NBEA: variants seen among roughly 807,000 people sequenced by gnomAD.
NBEA encodes neurobeachin, also known as lysosomal-trafficking regulator 2.
A neutral mutation model predicts 343.4 loss-of-function variants in NBEA; 44 were observed. The ratio of observed to expected loss-of-function variants is 0.13; its 90% CI spans 0.10 to 0.16. The LOEUF (loss-of-function observed/expected upper bound fraction) is 0.16. Among genes scored for constraint, NBEA ranks in the 10% least tolerant of loss-of-function variants. The pLI is 1.00. For missense variants in NBEA, 2,555 were observed against 3,631.3 expected, an observed-to-expected ratio of 0.70 and a Z score of 7.62; for synonymous variants, 1,175 against 1,238.7, an observed-to-expected ratio of 0.95 and a Z score of 1.08.
intron 38 of NBEA, among the ~76,000 whole-genome samples, chr13:35,383,288 A>G (rs1009497096): frequency 1.3e-5 from 2 of 152,220 alleles, no homozygotes; most frequent in African/African-American, 2.4e-5. Flanking sequence ...AGAAGGACGT[A>G]TATTATCTAA....
chr13:35,200,496 A>G (rs2072947747), intron 31 of NBEA, among the ~76,000 whole-genome samples: 1 of 150,484 alleles, frequency 6.6e-6, no homozygotes, highest in African/African-American at 2.4e-5. Flanking sequence ...TGCTTCTCAT[A>G]CATTTTTAAC....
intron 40 of NBEA, among the ~76,000 whole-genome samples, chr13:35,462,507 T>A (rs1205127517): frequency 6.6e-6 from 1 of 152,174 alleles, no homozygotes. Flanking sequence ...AGGGAGTCTC[T>A]GAAGTTGAGA....
rs1442184851 is a variant in NBEA, at chr13:35,142,285, A to G, written c.2353A>G (p.Met785Val). The G allele has an allele frequency of 6.2e-7, 1 of 1,611,284 alleles. No individual in the cohort carries two copies. Among genetic ancestry groups the G allele is most frequent in the African/African-American group, 1.3e-5 (1 of 74,880 alleles). ...TCTCTCCAGGAGAAAAGTTGAAATT[A>G]TGCACACCCATAGTCTTTTCACTCT... ...HLGHKRKVEI[M>V]HTHSLFTLLG... Residue 785 changes from methionine (M) to valine (V), a missense_variant, in exon 18 of 59, where the codon ATG becomes GTG. Physicochemically the swap from Met to Val is conservative, Grantham distance 21. This residue lies in a region of NBEA where 360 missense variants were observed against 519.1 expected (regional missense o/e 0.69). Transcript: ENST00000379939.
chr13:34,968,790 T>G (rs758901928), intron 1 of NBEA, among the ~76,000 whole-genome samples: 9 of 152,282 alleles, frequency 5.9e-5, no homozygotes, highest in Middle Eastern at 3.4e-3. Flanking sequence ...TCAGTAGCAC[T>G]AATAGATTTT....
intron 35 of NBEA, among the ~76,000 whole-genome samples, chr13:35,293,594 C>T (rs75356123): frequency 0.1 from 15,354 of 151,794 alleles, 990 homozygotes; most frequent in African/African-American, 0.19. Context: ...TCTATCATAG[C>T]TTTTTAAAAA....
chr13:35,550,132 A>G (rs558194383), intron 41 of NBEA, among the ~76,000 whole-genome samples: 28 of 152,308 alleles, frequency 1.8e-4, no homozygotes, highest in African/African-American at 6.3e-4. Context: ...CCATTAAGCA[A>G]GGAAGGGGAG....
chr13:34,958,562 C>T (rs1036781529), intron 1 of NBEA, among the ~76,000 whole-genome samples: 3 of 145,982 alleles, frequency 2.1e-5, no homozygotes, highest in Non-Finnish European at 4.7e-5. Flanking sequence ...GGATATTTCA[C>T]ACCATGAATA....
intron 18 of NBEA, among the ~76,000 whole-genome samples, chr13:35,148,016 T>A (rs1380016352): frequency 6.6e-6 from 1 of 152,204 alleles, no homozygotes; most frequent in Non-Finnish European, 1.5e-5. Flanking sequence ...GACAACCAAC[T>A]GCCAGTGATT....
At chr13:34,967,871 C>G (rs1443214448) in intron 1 of NBEA, among the ~76,000 whole-genome samples, 1 of 152,042 alleles carries the variant, frequency 6.6e-6, no homozygotes, top group East Asian at 1.9e-4. Flanking sequence ...AAATTAGAGG[C>G]AGAATCCTTC....
chr13:35,095,820 A>C (rs2065305146), intron 10 of NBEA, among the ~76,000 whole-genome samples: 1 of 151,986 alleles, frequency 6.6e-6, no homozygotes, highest in African/African-American at 2.4e-5. Context: ...TATACTTTTC[A>C]AGAGAATTTT....
At chr13:35,151,453 G>A (rs1304298364) in intron 18 of NBEA, among the ~76,000 whole-genome samples, 1 of 150,160 alleles carries the variant, frequency 6.7e-6, no homozygotes, top group Non-Finnish European at 1.5e-5. Context: ...AGAGGCAGGA[G>A]AATCGCTTGA....
chr13:35,406,707 G>A (rs1173151084), intron 38 of NBEA, among the ~76,000 whole-genome samples: 3 of 152,028 alleles, frequency 2.0e-5, no homozygotes, highest in Non-Finnish European at 4.4e-5. Context: ...TACTGGGGTG[G>A]CTCTTCCTCT....
chr13:35,122,275 G>A (rs2066844829), intron 16 of NBEA, among the ~76,000 whole-genome samples: 2 of 152,064 alleles, frequency 1.3e-5, no homozygotes, highest in Non-Finnish European at 2.9e-5. Context: ...GCACACGTAT[G>A]TTTATTGTGG....
intron 39 of NBEA, among the ~76,000 whole-genome samples, chr13:35,449,592 C>G (rs971699505): frequency 6.6e-6 from 1 of 152,164 alleles, no homozygotes; most frequent in African/African-American, 2.4e-5. Flanking sequence ...GATGCAAGCT[C>G]TATATTTCTG....
intron 33 of NBEA, among the ~76,000 whole-genome samples, chr13:35,229,194 C>A (rs1301403063): frequency 6.6e-6 from 1 of 152,000 alleles, no homozygotes; most frequent in Non-Finnish European, 1.5e-5. Flanking sequence ...CCACACCTGG[C>A]TAATTTTTTA....
At chr13:35,423,010 G>C (rs1357031926) in intron 38 of NBEA, among the ~76,000 whole-genome samples, 2 of 151,962 alleles carry the variant, frequency 1.3e-5, no homozygotes, top group South Asian at 2.1e-4. Context: ...TTTTTTTCTT[G>C]TAAATTTGTT....
chr13:35,650,433 G>C lies in NBEA; in HGVS notation c.7963+586G>C, dbSNP rs534147172. ...TGTTTCTCCAAACTCTTTCCTGAAA[G>C]TACCAGCCAGTACATCTTGAAGCGA... On this transcript the variant is annotated intron_variant, in intron 52 of 58. Transcript: ENST00000379939. Among the ~76,000 whole-genome samples, 14 of 152,280 alleles carry C rather than the reference G, an allele frequency of 9.2e-5. 2 individuals carry two copies. The highest frequency in any genetic ancestry group is 3.4e-4 in the African/African-American group (14 of 41,558).
At chr13:35,049,444 T>C (rs976228864) in intron 5 of NBEA, among the ~76,000 whole-genome samples, 10 of 151,844 alleles carry the variant, frequency 6.6e-5, no homozygotes, top group African/African-American at 2.4e-4. Flanking sequence ...GTCTATCCCA[T>C]AGGATTTAAT....
intron 1 of NBEA, among the ~76,000 whole-genome samples, chr13:35,033,744 G>A (rs2062330923): frequency 6.6e-6 from 1 of 151,628 alleles, no homozygotes; most frequent in Non-Finnish European, 1.5e-5. Flanking sequence ...TAACTCCTAG[G>A]TATTTAATTT....
Sources: gnomAD v4.1 joint callset for allele counts (sites outside exome capture counted in the v4.1 genomes callset) on GRCh38, gnomAD v4.1.1 for gene constraint, gnomAD v4.1.1 regional missense constraint, MANE v1.5 for transcripts, NCBI Gene and HGNC (gene_info 2026-07-23, HGNC 2026-07-21) for gene names.